The following KIF1A variants were observed in gnomAD, a reference collection of about 807,000 sequenced individuals.
KIF1A encodes the protein kinesin-like protein KIF1A.
KIF1A carries 46 observed loss-of-function variants against 227.3 expected under a neutral mutation model. The ratio of observed to expected loss-of-function variants is 0.20; its 90% CI spans 0.16 to 0.26. The LOEUF (loss-of-function observed/expected upper bound fraction) is 0.26. Ranked by LOEUF, KIF1A falls within the 10% of genes least tolerant of loss-of-function variation. The pLI, the probability that KIF1A is intolerant of heterozygous loss-of-function variation, is 1.00. For missense variants in KIF1A, 1,683 were observed against 2,485.9 expected (o/e 0.68, Z 6.87); for synonymous variants, 1,022 against 1,012.8 (o/e 1.01, Z -0.17).
rs147042445 is a variant in KIF1A at position 240,733,359 on chromosome 2, C to G, written c.4007+3704G>C. ...ATGCCATCTCCTCCTCCTGCAAGCC[C>G]GCCAGACTCACTGCAGGGAGAGGGA... is the stretch of plus-strand genomic sequence containing the variant. On this transcript the variant is annotated intron_variant, in intron 38 of 48. Coordinates refer to ENST00000498729, the MANE Select transcript of KIF1A (RefSeq NM_001244008.2). 8.8e-4 allele frequency among the ~76,000 whole-genome samples: 134 copies of G among 152,222 alleles called. 1 individual carries two copies. Among genetic ancestry groups the G allele is most frequent in the East Asian group, 8.7e-3 (45 of 5,170 alleles).
chr2:240,725,250 T>G lies in KIF1A; in HGVS notation c.4256+21A>C. 6.3e-7 allele frequency: 1 copy of G among 1,582,660 alleles called. No individual in the cohort carries two copies. The highest frequency in any genetic ancestry group is 8.6e-7 in the Non-Finnish European group (1 of 1,165,288). ...GAGACCAGGGTGGGAGTCCATGTGG[T>G]CCTCACCCCTGGGAGCTTACCTCTC... is the stretch of plus-strand genomic sequence containing the variant. On this transcript the variant is annotated intron_variant, in intron 40 of 48. Transcript: ENST00000498729. The surrounding 1 kb of genome is among the most constrained non-coding windows in gnomAD (Gnocchi z 5.8).
Position 240,752,310 on chromosome 2 carries a change from G to A in KIF1A, c.2859-1763C>T, listed in dbSNP as rs1274737357. On this transcript the variant is annotated intron_variant, in intron 27 of 48. Transcript: ENST00000498729. The surrounding 1 kb of genome is among the most constrained non-coding windows in gnomAD (Gnocchi z 6.4). Reference sequence around the variant, plus strand: ...ACCCACCCAGGTTATGTCCAGAAGCGCCCATGGAAGCTCACCCTGGCCCTA... The same window carrying A: ...ACCCACCCAGGTTATGTCCAGAAGCACCCATGGAAGCTCACCCTGGCCCTA... Among the ~76,000 whole-genome samples the A allele has an allele frequency of 3.3e-5, 5 of 152,034 alleles. No homozygotes were observed. The highest frequency in any genetic ancestry group is 7.4e-5 in the Non-Finnish European group (5 of 68,002).
intron 17 of KIF1A, among the ~76,000 whole-genome samples, chr2:240,768,694 C>T (rs111778990): frequency 6.6e-6 from 1 of 152,172 alleles, no homozygotes; most frequent in African/African-American, 2.4e-5. Flanking sequence ...TTAGGCCTGG[C>T]CTGGTGGGAA....
chr2:240,746,140 C>T lies in KIF1A; in HGVS notation c.3101G>A (p.Arg1034His), dbSNP rs375775494. ...AAGCTCTTCCTGGGAGGTTCCCGAG[C>T]GGGACATCCCCACCACGGGGCAAGA... is the stretch of plus-strand genomic sequence containing the variant. ...SESCPVVGMS[R>H]SGTSQEELRI... The change falls in exon 30 of 49, where the codon CGC becomes CAC. Residue 1034 changes from arginine (R) to histidine (H), a missense_variant. Physicochemically the swap from Arg to His is conservative, Grantham distance 29 (BLOSUM62 0). Around this residue, in one of 12 missense-constraint regions of KIF1A, gnomAD observed 759 missense variants for 1,020.2 expected, o/e 0.74. Transcript: ENST00000498729. 38 of 1,568,800 alleles carry T rather than the reference C, an allele frequency of 2.4e-5. No homozygotes were observed. The highest frequency in any genetic ancestry group is 1.3e-4 in the South Asian group (11 of 85,284).
At chr2:240,779,394 A>T (rs2053264614) in intron 10 of KIF1A, among the ~76,000 whole-genome samples, 1 of 144,276 alleles carries the variant, frequency 6.9e-6, no homozygotes, top group African/African-American at 2.7e-5. Flanking sequence ...ATAGTTCCAC[A>T]CTCAGTTCCT....
chr2:240,790,804 G>A lies in KIF1A; in HGVS notation c.107-1492C>T, dbSNP rs1338549422. On this transcript the variant is annotated intron_variant, in intron 2 of 48. Coordinates refer to ENST00000498729, the MANE Select transcript of KIF1A (RefSeq NM_001244008.2). The surrounding 1 kb of genome is among the most constrained non-coding windows in gnomAD (Gnocchi z 5.0). ...CAGAAGCAGCCGGCAAGCCCCAGAAGCTGGAGGGCCTGGACAGGTGCCCCT... is the reference window on the plus strand; with the variant it reads ...CAGAAGCAGCCGGCAAGCCCCAGAAACTGGAGGGCCTGGACAGGTGCCCCT... Among the ~76,000 whole-genome samples the A allele has an allele frequency of 1.3e-5, 2 of 152,082 alleles. No individual in the cohort carries two copies. Among genetic ancestry groups the A allele is most frequent in the Non-Finnish European group, 2.9e-5 (2 of 68,024 alleles).
At position 240,725,525 on chromosome 2, in the gene KIF1A, G is replaced by T; in HGVS notation, c.4123-121C>A. 1 of 1,113,392 alleles carries T rather than the reference G, an allele frequency of 9.0e-7. No individual in the cohort carries two copies. The highest frequency in any genetic ancestry group is 1.3e-6 in the Non-Finnish European group (1 of 785,334). 69.0% of individuals were successfully genotyped at this position (1,113,392 alleles called of 1,614,324 possible). A position where few individuals can be genotyped will look rare whatever the true frequency, so the allele number is the denominator to read the frequency against. ...CAGGCAGCCCCAGGGCCTTCCCAGG[G>T]CCTCAGGTGTGGCCTGGACGCAGGC... On this transcript the variant is annotated intron_variant, in intron 39 of 48. Transcript: ENST00000498729. This position sits in a 1 kb window ranked among gnomAD's most constrained non-coding sequence, Gnocchi z 5.8.
In KIF1A at chr2:240,780,504, G is replaced by T. The variant is rs373574027; in HGVS notation, c.882+2086C>A. Reference sequence around the variant, plus strand: ...AGTTCCCCACGCAATTCCTCACACGGTTTCTCACATACTTTCCCGTAGCTG... The same window carrying T: ...AGTTCCCCACGCAATTCCTCACACGTTTTCTCACATACTTTCCCGTAGCTG... On this transcript the variant is annotated intron_variant, in intron 10 of 48. Coordinates refer to ENST00000498729, the MANE Select transcript of KIF1A (RefSeq NM_001244008.2). 2.2e-4 allele frequency among the ~76,000 whole-genome samples: 34 copies of T among 152,116 alleles called. 3 individuals carry two copies. In the East Asian group the frequency reaches 3.5e-3, roughly 16 times the overall value.
rs1005400247 is a variant in KIF1A at position 240,792,268 on chromosome 2, T to G, written c.107-2956A>C. ...GATTCTGCTGGAGAAAGGGCTTTTT[T>G]TGCCAGGGTCTGGAATTTTTTCCTT... On this transcript the variant is annotated intron_variant, in intron 2 of 48. Coordinates refer to ENST00000498729, the MANE Select transcript of KIF1A (RefSeq NM_001244008.2). The surrounding 1 kb of genome is among the most constrained non-coding windows in gnomAD (Gnocchi z 4.5). Among the ~76,000 whole-genome samples, 3 of 152,078 alleles carry G rather than the reference T, an allele frequency of 2.0e-5. No homozygotes were observed. Among genetic ancestry groups the G allele is most frequent in the African/African-American group, 7.2e-5 (3 of 41,412 alleles).
chr2:240,796,949 G>A (rs1403690540), intron 2 of KIF1A, among the ~76,000 whole-genome samples: 4 of 151,960 alleles, frequency 2.6e-5, no homozygotes, highest in Admixed American at 2.6e-4. Flanking sequence ...TGTCGGATGG[G>A]TGCACGGCAC....
chr2:240,776,975 T>G (rs1559518641), intron 10 of KIF1A, among the ~76,000 whole-genome samples: 2 of 152,248 alleles, frequency 1.3e-5, no homozygotes, highest in Admixed American at 6.5e-5. Context: ...CATAACTGAC[T>G]GCTTTCTTTT....
In KIF1A at chr2:240,762,700, T is replaced by A; in HGVS notation, c.2116+19A>T. The A allele has an allele frequency of 6.4e-7, 1 of 1,568,988 alleles. No individual in the cohort carries two copies. Among genetic ancestry groups the A allele is most frequent in the Non-Finnish European group, 8.7e-7 (1 of 1,150,074 alleles). ...GAGACCCTCCTGACGCAGCAGGTGCTGGCCCAGTGACCCCTCACCTTCATC... is the reference window on the plus strand; with the variant it reads ...GAGACCCTCCTGACGCAGCAGGTGCAGGCCCAGTGACCCCTCACCTTCATC... On this transcript the variant is annotated intron_variant, in intron 23 of 48. Transcript: ENST00000498729.
chr2:240,750,034 G>T (rs2049032381), intron 28 of KIF1A, among the ~76,000 whole-genome samples: 1 of 152,258 alleles, frequency 6.6e-6, no homozygotes, highest in South Asian at 2.1e-4. Flanking sequence ...GCAGGCTGGG[G>T]GAGGGATCCA....
At chr2:240,760,112 G>A (rs750371582) in intron 25 of KIF1A, among the ~76,000 whole-genome samples, 18 of 151,606 alleles carry the variant, frequency 1.2e-4, no homozygotes, top group African/African-American at 2.9e-4. Context: ...ACCAGCTCAC[G>A]TTGGGCACAG....
intron 38 of KIF1A, among the ~76,000 whole-genome samples, chr2:240,728,078 G>A (rs58897072): frequency 0.056 from 8,529 of 152,268 alleles, 369 homozygotes; most frequent in African/African-American, 0.13. Flanking sequence ...GGGCGGCCAC[G>A]CAGGCTCCAA....
At chr2:240,718,239 G>A in intron 47 of KIF1A, 71 bp from the exon 48 acceptor site, 1 of 1,056,934 alleles carries the variant, frequency 9.5e-7, no homozygotes, top group Non-Finnish European at 1.4e-6. Context: ...TGCTCCCCAG[G>A]GCCCAGGCAG....
chr2:240,744,144 C>T (rs548788003), intron 32 of KIF1A, 84 bp from the exon 33 acceptor site: 128 of 933,878 alleles, frequency 1.4e-4, no homozygotes, highest in Admixed American at 5.6e-4. Context: ...GTGAGCTAAG[C>T]GCTTCAGGCC....
chr2:240,757,571 C>T lies in KIF1A; in HGVS notation c.2606G>A (p.Ser869Asn). The part of the protein sequence containing the change: ...VGSSAISGCN[S>N]YPLLNTCMSE... ...CATGCATGTGTTGAGAAGAGGGTAG[C>T]TGTTGCAGCCAGAGATGGCTGAACT... Residue 869 changes from serine (S) to asparagine (N), a missense_variant, in exon 27 of 49, where the codon AGC becomes AAC. Around this residue, in one of 12 missense-constraint regions of KIF1A, gnomAD observed 759 missense variants for 1,020.2 expected, o/e 0.74. Coordinates refer to ENST00000498729, the MANE Select transcript of KIF1A (RefSeq NM_001244008.2). This position sits in a 1 kb window ranked among gnomAD's most constrained non-coding sequence, Gnocchi z 6.2. The T allele has an allele frequency of 1.3e-6, 2 of 1,548,210 alleles. No homozygotes were observed. Among genetic ancestry groups the T allele is most frequent in the South Asian group, 1.2e-5 (1 of 84,008 alleles).
At chr2:240,813,376 A>AGGGCAGGGAAGGGGCAGGGGCTC (rs2058097944) in intron 1 of KIF1A, among the ~76,000 whole-genome samples, 1 of 152,146 alleles carries the variant, frequency 6.6e-6, no homozygotes, top group Non-Finnish European at 1.5e-5. Flanking sequence ...CCGCTTGCAG[A>AGGGCAGGGAAGGGGCAGGGGCTC]GGGCAGGGAA....
Sources: gnomAD v4.1 joint callset for allele counts (sites outside exome capture counted in the v4.1 genomes callset) on GRCh38, gnomAD v4.1.1 for gene constraint, gnomAD v4.1.1 regional missense constraint, Gnocchi (gnomAD v3.1) non-coding constraint, MANE v1.5 for transcripts, NCBI Gene and HGNC (gene_info 2026-07-23, HGNC 2026-07-21) for gene names.